GPC5: variants seen among roughly 807,000 people sequenced by gnomAD.
The protein encoded by GPC5 is glypican-5.
In GPC5, 47 loss-of-function variants were observed where a neutral mutation model predicts 53.9. The observed-to-expected ratio is 0.87, with a 90% CI of 0.69 to 1.11. The LOEUF (loss-of-function observed/expected upper bound fraction) is 1.11. Ranked by LOEUF, GPC5 falls within the 50% of genes most tolerant of loss-of-function variation. The pLI, the probability that GPC5 is intolerant of heterozygous loss-of-function variation, is 0.00. For missense variants in GPC5, 748 were observed against 713.1 expected, an observed-to-expected ratio of 1.05 and a Z score of -0.56; for synonymous variants, 286 against 263.3, an observed-to-expected ratio of 1.09 and a Z score of -0.84.
chr13:91,791,340 C>A (rs376139494), intron 5 of GPC5, among the ~76,000 whole-genome samples: 6 of 152,072 alleles, frequency 3.9e-5, no homozygotes, highest in African/African-American at 1.2e-4. Flanking sequence ...AAGACACAGC[C>A]GCTACCTAGA....
chr13:92,679,974 T>A (rs1887067335), intron 7 of GPC5, among the ~76,000 whole-genome samples: 1 of 139,336 alleles, frequency 7.2e-6, no homozygotes, highest in South Asian at 2.3e-4. Flanking sequence ...ATCTCTAAGG[T>A]AATAATGCAC....
At chr13:91,994,045 C>G (rs960833242) in intron 6 of GPC5, among the ~76,000 whole-genome samples, 1 of 152,162 alleles carries the variant, frequency 6.6e-6, no homozygotes, top group Non-Finnish European at 1.5e-5. Flanking sequence ...CAGGGAACTG[C>G]CTAACGTTGA....
chr13:92,342,267 C>G (rs1189314088), intron 7 of GPC5, among the ~76,000 whole-genome samples: 1 of 152,110 alleles, frequency 6.6e-6, no homozygotes, highest in Non-Finnish European at 1.5e-5. Flanking sequence ...TTCAACAAAG[C>G]ACTGTTTCTC....
At chr13:92,522,224 T>C (rs1278649268) in intron 7 of GPC5, among the ~76,000 whole-genome samples, 2 of 152,108 alleles carry the variant, frequency 1.3e-5, no homozygotes, top group African/African-American at 4.8e-5. Flanking sequence ...TCCTCAGGGA[T>C]CTAGAACTAG....
intron 1 of GPC5, among the ~76,000 whole-genome samples, chr13:91,424,999 G>A (rs2138999818): frequency 6.6e-6 from 1 of 152,296 alleles, no homozygotes; most frequent in Non-Finnish European, 1.5e-5. Flanking sequence ...AATGAAGGCT[G>A]CAGGTAGAAA....
At chr13:92,238,331 C>T (rs749864039) in intron 7 of GPC5, among the ~76,000 whole-genome samples, 1 of 151,830 alleles carries the variant, frequency 6.6e-6, no homozygotes, top group Non-Finnish European at 1.5e-5. Context: ...TATAGTGTTC[C>T]AATTTATTCA....
chr13:91,578,861 C>G (rs144765172), intron 2 of GPC5, among the ~76,000 whole-genome samples: 2 of 151,784 alleles, frequency 1.3e-5, no homozygotes, highest in African/African-American at 4.8e-5. Flanking sequence ...GCCTGGGTAA[C>G]ATTGTGAAAA....
rs776810596 is a variant in GPC5 at position 91,440,470 on chromosome 13, C to T, written c.164-8291C>T. ...AATTTCCATTTTGTTCTTTTTCCTGCGGAGAATCTCTGACCTATAATTTAT... is the reference window on the plus strand; with the variant it reads ...AATTTCCATTTTGTTCTTTTTCCTGTGGAGAATCTCTGACCTATAATTTAT... On this transcript the variant is annotated intron_variant, in intron 1 of 7. Transcript: ENST00000377067. Among the ~76,000 whole-genome samples the T allele has an allele frequency of 1.2e-4, 18 of 152,094 alleles. 1 individual carries two copies. Among genetic ancestry groups the T allele is most frequent in the South Asian group, 2.1e-4 (1 of 4,826 alleles).
At chr13:92,608,229 G>A (rs1290198040) in intron 7 of GPC5, among the ~76,000 whole-genome samples, 2 of 152,150 alleles carry the variant, frequency 1.3e-5, no homozygotes, top group Non-Finnish European at 2.9e-5. Flanking sequence ...TGGATGGCTA[G>A]CACCTCCAAC....
chr13:92,557,196 A>G (rs1306594206), intron 7 of GPC5, among the ~76,000 whole-genome samples: 2 of 151,800 alleles, frequency 1.3e-5, no homozygotes, highest in Non-Finnish European at 2.9e-5. Flanking sequence ...ATGTAAGTCT[A>G]AATAGATGAC....
chr13:92,109,543 G>T (rs1336825152), intron 6 of GPC5, among the ~76,000 whole-genome samples: 1 of 152,074 alleles, frequency 6.6e-6, no homozygotes, highest in Non-Finnish European at 1.5e-5. Context: ...GATGAAAAAT[G>T]ACTATGAAAA....
intron 5 of GPC5, among the ~76,000 whole-genome samples, chr13:91,805,752 G>A (rs540911648): frequency 6.6e-6 from 1 of 152,232 alleles, no homozygotes; most frequent in East Asian, 1.9e-4. Flanking sequence ...ATTCTCTGAA[G>A]ACAAGATGTA....
chr13:92,510,784 T>C (rs1045987447), intron 7 of GPC5, among the ~76,000 whole-genome samples: 1 of 152,202 alleles, frequency 6.6e-6, no homozygotes, highest in Non-Finnish European at 1.5e-5. Flanking sequence ...CTTGTCTTAA[T>C]TTCAGAGTGA....
At chr13:92,757,734 C>T (rs1443920860) in intron 7 of GPC5, among the ~76,000 whole-genome samples, 1 of 152,142 alleles carries the variant, frequency 6.6e-6, no homozygotes. Flanking sequence ...TGAAAAAATG[C>T]TCATCATCAC....
At chr13:92,633,707 C>A (rs1343868130) in intron 7 of GPC5, among the ~76,000 whole-genome samples, 1 of 151,754 alleles carries the variant, frequency 6.6e-6, no homozygotes, top group Non-Finnish European at 1.5e-5. Context: ...TTGCTTTTTT[C>A]TTTTTAAAGT....
At chr13:92,777,603 G>C (rs1193789081) in intron 7 of GPC5, among the ~76,000 whole-genome samples, 1 of 151,888 alleles carries the variant, frequency 6.6e-6, no homozygotes, top group South Asian at 2.1e-4. Flanking sequence ...TGGCAATAGA[G>C]CGAGACTCCG....
Position 92,529,337 on chromosome 13 carries a change from A to G in GPC5, c.1562-336945A>G, listed in dbSNP as rs115433826. ...TAAAACAGCCTTCACCTTAAGATTT[A>G]TTGAAGATTTTACATTGTACAAAGC... is the stretch of plus-strand genomic sequence containing the variant. On this transcript the variant is annotated intron_variant, in intron 7 of 7. Coordinates refer to ENST00000377067, the MANE Select transcript of GPC5 (RefSeq NM_004466.6). 1.3e-3 allele frequency among the ~76,000 whole-genome samples: 191 copies of G among 152,334 alleles called. 1 individual carries two copies. Among genetic ancestry groups the G allele is most frequent in the African/African-American group, 4.3e-3 (178 of 41,590 alleles).
At chr13:91,728,457 G>A (rs1010348422) in intron 3 of GPC5, 75 bp from the exon 4 acceptor site, 6 of 1,404,018 alleles carry the variant, frequency 4.3e-6, no homozygotes, top group Non-Finnish European at 4.8e-6. Context: ...ATTGTTTTGG[G>A]CCCTATGAAA....
At chr13:92,100,650 A>AT (rs1291351834) in intron 6 of GPC5, among the ~76,000 whole-genome samples, 9 of 152,130 alleles carry the variant, frequency 5.9e-5, no homozygotes, top group African/African-American at 2.2e-4. Context: ...TGGATCACAC[A>AT]TTGCTACTTG....
Sources: allele counts gnomAD v4.1 joint callset (sites outside exome capture counted in the v4.1 genomes callset), GRCh38; gene constraint gnomAD v4.1.1; transcripts MANE v1.5; gene names NCBI Gene and HGNC (gene_info 2026-07-23, HGNC 2026-07-21).